The following ZNF385D variants were observed in gnomAD, a reference collection of about 807,000 sequenced individuals.
ZNF385D encodes zinc finger protein 659.
ZNF385D carries 15 observed loss-of-function variants against 35.8 expected under a neutral mutation model. The ratio of observed to expected loss-of-function variants is 0.42; its 90% confidence interval spans 0.28 to 0.64. The LOEUF is 0.64. Among genes scored for constraint, ZNF385D ranks in the 30% least tolerant of loss-of-function variants. The probability of loss-of-function intolerance (pLI) is 0.23; values close to 1 mark genes in which losing one functional copy is unlikely to be tolerated. For synonymous variants in ZNF385D, 212 were observed against 186.8 expected (o/e 1.13, Z -1.10); for missense variants, 474 against 494.6 (o/e 0.96, Z 0.39).
At chr3:21,697,313 C>T (rs574098298) in intron 1 of ZNF385D, among the ~76,000 whole-genome samples, 63 of 152,082 alleles carry the variant, frequency 4.1e-4, no homozygotes, top group Non-Finnish European at 8.2e-4. Context: ...AGCATATAAT[C>T]ACATGAAAAA....
chr3:21,655,111 AAACAACAAC>A (rs961956338), intron 2 of ZNF385D, among the ~76,000 whole-genome samples: 1 of 151,502 alleles, frequency 6.6e-6, no homozygotes, highest in Admixed American at 6.6e-5. Flanking sequence ...GAAGTGCAAA[AAACAACAAC>A]AACAACAACA....
At chr3:22,132,073 T>C (rs1703830765) in intron 3 of ZNF385D, among the ~76,000 whole-genome samples, 1 of 152,122 alleles carries the variant, frequency 6.6e-6, no homozygotes, top group African/African-American at 2.4e-5. Context: ...AAAAAACGTT[T>C]AGGGTATATG....
At chr3:22,225,282 C>T (rs1023988493) in intron 2 of ZNF385D, among the ~76,000 whole-genome samples, 2 of 152,028 alleles carry the variant, frequency 1.3e-5, no homozygotes, top group Admixed American at 1.3e-4. Context: ...ATCCCGTCAC[C>T]CTTGCTACTT....
chr3:22,266,935 C>T (rs752940177), intron 2 of ZNF385D, among the ~76,000 whole-genome samples: 3 of 151,824 alleles, frequency 2.0e-5, no homozygotes, highest in East Asian at 3.9e-4. Context: ...TCTTTCCTTC[C>T]GAGGATATGT....
At chr3:22,102,922 C>T (rs866560804) in intron 3 of ZNF385D, among the ~76,000 whole-genome samples, 8 of 147,938 alleles carry the variant, frequency 5.4e-5, no homozygotes, top group Non-Finnish European at 7.4e-5. Context: ...CAAGTTCTCA[C>T]GTATGTCCCT....
At chr3:22,254,973 G>A (rs151186183) in intron 2 of ZNF385D, among the ~76,000 whole-genome samples, 24 of 151,930 alleles carry the variant, frequency 1.6e-4, no homozygotes, top group African/African-American at 5.8e-4. Context: ...TCATGTCCCA[G>A]GAGGATGAAG....
At chr3:21,735,163 C>A (rs139480124) in intron 1 of ZNF385D, among the ~76,000 whole-genome samples, 185 of 152,266 alleles carry the variant, frequency 1.2e-3, no homozygotes, top group African/African-American at 4.3e-3. Context: ...CAAAGAGTCA[C>A]CTTCTTGTTC....
intron 1 of ZNF385D, among the ~76,000 whole-genome samples, chr3:21,665,302 C>T (rs1248245658): frequency 2.0e-5 from 3 of 152,146 alleles, no homozygotes; most frequent in African/African-American, 7.2e-5. Flanking sequence ...TATTTTCCTG[C>T]CTAGAGCTCC....
intron 3 of ZNF385D, among the ~76,000 whole-genome samples, chr3:22,003,192 C>A (rs1080618): frequency 0.46 from 70,643 of 151,984 alleles, 19,384 homozygotes; most frequent in African/African-American, 0.78. Context: ...TATTCCACCC[C>A]AATCTCTTAG....
At chr3:21,928,629 T>C (rs182257100) in intron 3 of ZNF385D, among the ~76,000 whole-genome samples, 16 of 152,242 alleles carry the variant, frequency 1.1e-4, no homozygotes, top group Non-Finnish European at 1.5e-4. Context: ...AGTGGGGAGA[T>C]AGATTACCAA....
chr3:21,968,013 G>T (rs1703006145), intron 3 of ZNF385D, among the ~76,000 whole-genome samples: 1 of 152,190 alleles, frequency 6.6e-6, no homozygotes, highest in South Asian at 2.1e-4. Flanking sequence ...GAAGTAGGTA[G>T]GAAAGAAAGT....
chr3:21,595,153 A>G (rs180742407), intron 2 of ZNF385D, among the ~76,000 whole-genome samples: 21 of 152,296 alleles, frequency 1.4e-4, no homozygotes, highest in South Asian at 1.0e-3. Context: ...TTTATCAGAT[A>G]TCCATCAGAC....
chr3:22,316,470 A>G (rs1333732584), intron 2 of ZNF385D, among the ~76,000 whole-genome samples: 3 of 152,202 alleles, frequency 2.0e-5, no homozygotes, highest in Non-Finnish European at 4.4e-5. Context: ...TAAACAAATA[A>G]AACAGTTGAG....
At chr3:21,544,289 A>C (rs1199029931) in intron 3 of ZNF385D, among the ~76,000 whole-genome samples, 1 of 152,238 alleles carries the variant, frequency 6.6e-6, no homozygotes, top group Non-Finnish European at 1.5e-5. Flanking sequence ...CACAGACTTG[A>C]CTAAGAAGGC....
At position 21,862,362 on chromosome 3, in the gene ZNF385D, A is replaced by T. The variant is rs142343950; in HGVS notation, c.326-197334T>A. 1.8e-3 allele frequency among the ~76,000 whole-genome samples: 271 copies of T among 152,042 alleles called. 5 individuals carry two copies. The highest frequency in any genetic ancestry group is 6.3e-3 in the African/African-American group (262 of 41,520). ...AAGTATAACACCTTTGAAACTGAGAACATACTCAAAGTGATATAAATCAGC... is the reference window on the plus strand; with the variant it reads ...AAGTATAACACCTTTGAAACTGAGATCATACTCAAAGTGATATAAATCAGC... On this transcript the variant is annotated intron_variant, in intron 3 of 5. Coordinates refer to the ZNF385D transcript ENST00000494108.
chr3:22,120,504 A>T (rs894047023), intron 3 of ZNF385D, among the ~76,000 whole-genome samples: 1 of 152,110 alleles, frequency 6.6e-6, no homozygotes, highest in Non-Finnish European at 1.5e-5. Context: ...GGGCTTCAAC[A>T]TATCTACTTG....
At chr3:21,423,310 T>A (rs1700831156) in intron 7 of ZNF385D, among the ~76,000 whole-genome samples, 2 of 152,240 alleles carry the variant, frequency 1.3e-5, no homozygotes, top group Admixed American at 1.3e-4. Flanking sequence ...AGATCTATTT[T>A]GTATAAATGT....
chr3:22,110,167 G>A (rs368128870), intron 3 of ZNF385D, among the ~76,000 whole-genome samples: 2 of 152,078 alleles, frequency 1.3e-5, no homozygotes, highest in Admixed American at 1.3e-4. Flanking sequence ...TGGAGAAATA[G>A]GAACACTTTC....
At chr3:22,089,344 T>C (rs145801193) in intron 3 of ZNF385D, among the ~76,000 whole-genome samples, 1 of 152,314 alleles carries the variant, frequency 6.6e-6, no homozygotes, top group East Asian at 1.9e-4. Context: ...AGTCCAAATA[T>C]ACACTTCATT....
Sources: gnomAD v4.1 joint callset for allele counts (sites outside exome capture counted in the v4.1 genomes callset) on GRCh38, gnomAD v4.1.1 for gene constraint, MANE v1.5 for transcripts, NCBI Gene and HGNC (gene_info 2026-07-23, HGNC 2026-07-21) for gene names.